The following C2CD3 variants were observed in gnomAD, a reference collection of about 807,000 sequenced individuals.
C2CD3 encodes the protein C2 domain containing 3 centriole elongation regulator.
A neutral mutation model predicts 234.0 loss-of-function variants in C2CD3; 148 were observed. The ratio of observed to expected loss-of-function variants is 0.63; its 90% CI spans 0.55 to 0.72. The LOEUF (loss-of-function observed/expected upper bound fraction) is 0.72. Ranked by LOEUF, C2CD3 falls within the 30% of genes least tolerant of loss-of-function variation. C2CD3 has a pLI of 0.00. For missense variants in C2CD3, 2,577 were observed against 2,811.5 expected (o/e 0.92, Z 1.89); for synonymous variants, 1,000 against 1,035.4 (o/e 0.97, Z 0.66).
At position 74,168,702 on chromosome 11, in the gene C2CD3, A is replaced by G. The variant is rs7120763; in HGVS notation, c.56-89T>C. Reference sequence around the variant, plus strand: ...CTTTTTGAATGAAAACAAACAGAACACTTTAGTCTTAAGTTCAGCAATTTA... The same window carrying G: ...CTTTTTGAATGAAAACAAACAGAACGCTTTAGTCTTAAGTTCAGCAATTTA... On this transcript the variant is annotated intron_variant, in intron 1 of 32. Transcript: ENST00000334126. 3 of 1,221,554 alleles carry G rather than the reference A, an allele frequency of 2.5e-6. No homozygotes were observed. In the East Asian group the frequency reaches 7.0e-5, roughly 28 times the overall value. 75.7% of individuals were successfully genotyped at this position (1,221,554 alleles called of 1,614,324 possible). A position where few individuals can be genotyped will look rare whatever the true frequency, so the allele number is the denominator to read the frequency against.
chr11:74,150,049 T>C (rs1176176102), intron 3 of C2CD3, among the ~76,000 whole-genome samples: 2 of 152,116 alleles, frequency 1.3e-5, no homozygotes, highest in African/African-American at 4.8e-5. Context: ...TGGAAGTTTA[T>C]AGAATCTTGT....
intron 24 of C2CD3, among the ~76,000 whole-genome samples, chr11:74,062,924 A>G (rs1461748813): frequency 6.6e-6 from 1 of 152,144 alleles, no homozygotes; most frequent in African/African-American, 2.4e-5. Flanking sequence ...TCAAATAGAC[A>G]CAATAAAAAA....
intron 9 of C2CD3, among the ~76,000 whole-genome samples, chr11:74,115,231 T>C (rs952702005): frequency 6.6e-6 from 1 of 151,324 alleles, no homozygotes; most frequent in African/African-American, 2.4e-5. Flanking sequence ...TATATATACA[T>C]ACATATATAT....
intron 23 of C2CD3, among the ~76,000 whole-genome samples, chr11:74,077,515 C>T (rs961836082): frequency 6.6e-6 from 1 of 151,662 alleles, no homozygotes; most frequent in Admixed American, 6.6e-5. Flanking sequence ...AACCATCATT[C>T]TGAGCAAACA....
At chr11:74,145,241 A>G (rs1268247237) in intron 3 of C2CD3, among the ~76,000 whole-genome samples, 3 of 152,152 alleles carry the variant, frequency 2.0e-5, no homozygotes, top group South Asian at 2.1e-4. Flanking sequence ...TTATTTTTTG[A>G]CTTTTTAATA....
chr11:74,053,647 T>A (rs922416320), intron 26 of C2CD3, among the ~76,000 whole-genome samples: 7 of 152,220 alleles, frequency 4.6e-5, no homozygotes, highest in African/African-American at 1.4e-4. Context: ...TCTTGGTTAA[T>A]AAGCCAGAGT....
rs534457305 is a variant in C2CD3 at position 74,131,115 on chromosome 11, T to C, written c.1217+1729A>G. On this transcript the variant is annotated intron_variant, in intron 7 of 32. Coordinates refer to ENST00000334126, the MANE Select transcript of C2CD3 (RefSeq NM_001286577.2). ...AAGCGTGTGCCATCATGACTGGCTG[T>C]TTTTCTGCATCTCTTGAGATAATCA... 4.0e-3 allele frequency among the ~76,000 whole-genome samples: 612 copies of C among 151,656 alleles called. 1 individual carries two copies. Among genetic ancestry groups the C allele is most frequent in the Non-Finnish European group, 6.2e-3 (422 of 67,854 alleles).
chr11:74,102,513 T>C lies in C2CD3; in HGVS notation c.2580+618A>G, dbSNP rs112432890. ...GCTGTGTTGATAGATGTGATGACCA[T>C]GGGGAGAAGTGGGTTGATTTGGAAG... On this transcript the variant is annotated intron_variant, in intron 14 of 32. Transcript: ENST00000334126. Among the ~76,000 whole-genome samples the C allele has an allele frequency of 4.2e-3, 636 of 152,276 alleles. 1 individual carries two copies. Among genetic ancestry groups the C allele is most frequent in the Non-Finnish European group, 5.5e-3 (376 of 68,022 alleles).
chr11:74,050,697 A>T (rs968161272), intron 26 of C2CD3, among the ~76,000 whole-genome samples: 6 of 152,178 alleles, frequency 3.9e-5, no homozygotes, highest in African/African-American at 1.4e-4. Flanking sequence ...TTCATCACAT[A>T]CTGCATAACA....
chr11:74,061,722 GC>G (rs1189663099), intron 24 of C2CD3, among the ~76,000 whole-genome samples: 6 of 152,170 alleles, frequency 3.9e-5, no homozygotes, highest in African/African-American at 1.4e-4. Flanking sequence ...CGACTAACGA[GC>G]AAAATAATCA....
intron 5 of C2CD3, among the ~76,000 whole-genome samples, chr11:74,137,117 C>G (rs1323475122): frequency 6.6e-6 from 1 of 151,470 alleles, no homozygotes; most frequent in Admixed American, 6.6e-5. Context: ...TTACCTCAGC[C>G]TCCTGAGTAG....
chr11:74,078,847 T>C lies in C2CD3; in HGVS notation c.4001-130A>G, dbSNP rs1212974632. 5.0e-6 allele frequency: 4 copies of C among 797,704 alleles called. No homozygotes were observed. The African/African-American group carries it at 5.3e-5, about 11-fold the overall frequency. 49.4% of individuals were successfully genotyped at this position (797,704 alleles called of 1,614,324 possible). ...GAACAGAAAACATACCCACAGTGAG[T>C]TGGAGTTTATGTTCATCTGACCATT... On this transcript the variant is annotated intron_variant, in intron 22 of 32. Coordinates refer to ENST00000334126, the MANE Select transcript of C2CD3 (RefSeq NM_001286577.2).
intron 24 of C2CD3, among the ~76,000 whole-genome samples, chr11:74,064,701 A>G (rs1270515560): frequency 6.6e-6 from 1 of 152,252 alleles, no homozygotes; most frequent in Non-Finnish European, 1.5e-5. Flanking sequence ...CCAAAACAGC[A>G]TGGTACTGGT....
At chr11:74,048,432 C>A (rs1953494073) in intron 27 of C2CD3, 94 bp from the exon 28 acceptor site, 2 of 1,280,420 alleles carry the variant, frequency 1.6e-6, no homozygotes, top group Non-Finnish European at 2.2e-6. Flanking sequence ...TTATTGTGTG[C>A]ATTTAATTTA....
At position 74,170,785 on chromosome 11, in the gene C2CD3, T is replaced by G. The variant is rs370689810; in HGVS notation, c.8A>C (p.Gln3Pro). 10 of 1,614,070 alleles carry G rather than the reference T, an allele frequency of 6.2e-6. No homozygotes were observed. The African/African-American group carries it at 1.2e-4, about 19-fold the overall frequency. The change falls in exon 1 of 33, where the codon CAA becomes CCA. Residue 3 changes from glutamine to proline, a missense_variant. Gln to Pro is a moderately conservative substitution (Grantham distance 76). Coordinates refer to ENST00000334126, the MANE Select transcript of C2CD3 (RefSeq NM_001286577.2). The stretch of plus-strand genomic sequence containing the variant: ...GCCCCCAGACCCTTGGCCTTTTCGT[T>G]GTTTCATGATGAGCCCGAGCTCTTC... MK[Q>P]RKGQGSGGSR...
intron 31 of C2CD3, among the ~76,000 whole-genome samples, chr11:74,029,210 C>A (rs140148984): frequency 0.012 from 1,886 of 152,278 alleles, 36 homozygotes; most frequent in African/African-American, 0.043. Flanking sequence ...TAGTTGAACT[C>A]TGAAGGGGGT....
rs145612684 is a variant in C2CD3, at chr11:74,139,673, G to A, written c.639C>T (p.Arg213=). The A allele has an allele frequency of 1.1e-4, 174 of 1,613,886 alleles. 1 individual carries two copies. In the South Asian group the frequency reaches 1.4e-3, roughly 13 times the overall value. The change falls in exon 4 of 33, where the codon CGC becomes CGT. Residue 213 remains arginine (R), a synonymous_variant. Coordinates refer to ENST00000334126, the MANE Select transcript of C2CD3 (RefSeq NM_001286577.2). Reference sequence around the variant, plus strand: ...CATCAATTTTGATGGTATGTATGTCGCGAGGCCTTGATGGAACCTGAAACT... The same window carrying A: ...CATCAATTTTGATGGTATGTATGTCACGAGGCCTTGATGGAACCTGAAACT... ...STQFQVPSRP[R]DIHTIKIDGK...
intron 5 of C2CD3, 127 bp from the exon 6 acceptor site, chr11:74,133,684 C>T: frequency 1.1e-6 from 1 of 896,198 alleles, no homozygotes; most frequent in Non-Finnish European, 1.7e-6. Context: ...CATCTGCCTT[C>T]CCCATTAGCT....
At chr11:74,094,881 A>T (rs1195779569) in intron 17 of C2CD3, among the ~76,000 whole-genome samples, 1 of 152,186 alleles carries the variant, frequency 6.6e-6, no homozygotes, top group East Asian at 1.9e-4. Context: ...TACAGAACAG[A>T]ACTACTGCGA....
Sources: gnomAD v4.1 joint callset for allele counts (sites outside exome capture counted in the v4.1 genomes callset) on GRCh38, gnomAD v4.1.1 for gene constraint, MANE v1.5 for transcripts, NCBI Gene and HGNC (gene_info 2026-07-23, HGNC 2026-07-21) for gene names.